The following PCDHGA1 variants were observed in gnomAD, a reference collection of about 807,000 sequenced individuals.
The protein encoded by PCDHGA1 is protocadherin gamma subfamily A, 1, also known as protocadherin gamma-A1.
PCDHGA1 carries 32 observed loss-of-function variants against 58.0 expected under a neutral mutation model. The observed-to-expected ratio is 0.55, with a 90% CI of 0.42 to 0.74. PCDHGA1 has a LOEUF of 0.74. Among genes scored for constraint, PCDHGA1 ranks in the 30% least tolerant of loss-of-function variants. The probability of loss-of-function intolerance (pLI) is 0.00; values close to 1 mark genes in which losing one functional copy is unlikely to be tolerated. For missense variants in PCDHGA1, 1,205 were observed against 1,182.3 expected (o/e 1.02, Z -0.28); for synonymous variants, 498 against 501.1 (o/e 0.99, Z 0.08).
intron 1 of PCDHGA1, chr5:141,356,922 T>A: frequency 6.2e-7 from 1 of 1,613,632 alleles, no homozygotes; most frequent in Non-Finnish European, 8.5e-7. Flanking sequence ...GCTCCACTGG[T>A]GTGGAGCTGG....
intron 1 of PCDHGA1, chr5:141,370,472 C>G: frequency 1.2e-6 from 2 of 1,613,450 alleles, no homozygotes; most frequent in Non-Finnish European, 1.7e-6. Context: ...CTTTGTTAGA[C>G]CAGGCTCTCT....
At chr5:141,413,468 A>C in intron 1 of PCDHGA1, 1 of 1,614,072 alleles carries the variant, frequency 6.2e-7, no homozygotes, top group South Asian at 1.1e-5. Context: ...GACCGGGAGG[A>C]GCTCTGCGCT....
At chr5:141,357,195 C>T (rs1173372626) in intron 1 of PCDHGA1, 6 of 1,613,770 alleles carry the variant, frequency 3.7e-6, no homozygotes, top group South Asian at 2.2e-5. Context: ...TGGCTGTGGC[C>T]GACAGCATCC....
intron 1 of PCDHGA1, chr5:141,478,025 A>G (rs939969624): frequency 1.9e-6 from 3 of 1,614,146 alleles, no homozygotes; most frequent in Non-Finnish European, 2.5e-6. Flanking sequence ...AGTCCAAGAC[A>G]CAGATTCACC....
Position 141,476,854 on chromosome 5 carries a change from G to A in PCDHGA1, c.2422-17953G>A. The A allele has an allele frequency of 6.2e-7, 1 of 1,613,860 alleles. No individual in the cohort carries two copies. The highest frequency in any genetic ancestry group is 1.1e-5 in the South Asian group (1 of 91,088). ...ATGACAATGCGCCTGTCTTCAACCA[G>A]TCCTTGTACCGGGCGCGCGTCCTGG... On this transcript the variant is annotated intron_variant, in intron 1 of 3. Transcript: ENST00000517417. This position sits in a 1 kb window ranked among gnomAD's most constrained non-coding sequence, Gnocchi z 7.6.
rs889876570 is a variant in PCDHGA1, at chr5:141,330,995, T to A, written c.311T>A (p.Val104Glu). 2.5e-6 allele frequency: 4 copies of A among 1,614,206 alleles called. No homozygotes were observed. The highest frequency in any genetic ancestry group is 3.4e-6 in the Non-Finnish European group (4 of 1,180,036). ...ELCAQSMPCL[V>E]SFNILVEDKM... The stretch of plus-strand genomic sequence containing the variant: ...TGCGCTCAGAGCATGCCGTGTCTCG[T>A]GAGTTTTAATATCCTTGTTGAGGAT... The change falls in exon 1 of 4, where the codon GTG (valine) becomes GAG (glutamate). Residue 104 changes from valine to glutamate, a missense_variant. Physicochemically the swap from Val to Glu is moderately radical, Grantham distance 121. Coordinates refer to ENST00000517417, the MANE Select transcript of PCDHGA1 (RefSeq NM_018912.3).
chr5:141,381,133 C>A (rs1285338974), intron 1 of PCDHGA1, among the ~76,000 whole-genome samples: 2 of 152,202 alleles, frequency 1.3e-5, no homozygotes, highest in East Asian at 1.9e-4. Context: ...TGGAGCAATG[C>A]CACCAGAAAG....
intron 1 of PCDHGA1, chr5:141,361,613 C>T: frequency 6.2e-7 from 1 of 1,613,960 alleles, no homozygotes; most frequent in Non-Finnish European, 8.5e-7. Context: ...TCCATCGTAG[C>T]GAGCGACCTG....
rs372698086 is a variant in PCDHGA1 at position 141,332,266 on chromosome 5, A to G, written c.1582A>G (p.Met528Val). The change falls in exon 1 of 4, where the codon ATG becomes GTG. Residue 528 changes from methionine (M) to valine (V), a missense_variant. By Grantham distance (21) the Met-to-Val change is conservative (BLOSUM62 1). Transcript: ENST00000517417. The surrounding 1 kb of genome is among the most constrained non-coding windows in gnomAD (Gnocchi z 4.6). ...RSFDYEQFRD[M>V]QLKVMARDSG... ...CTTCGACTATGAGCAGTTCCGGGAC[A>G]TGCAACTGAAAGTGATGGCGCGGGA... is the stretch of plus-strand genomic sequence containing the variant. 6.8e-6 allele frequency: 11 copies of G among 1,614,108 alleles called. No individual in the cohort carries two copies. The highest frequency in any genetic ancestry group is 1.7e-5 in the Admixed American group (1 of 60,008).
In PCDHGA1 at chr5:141,331,733, C is replaced by T. The variant is rs371917191; in HGVS notation, c.1049C>T (p.Thr350Ile). 37 of 1,613,998 alleles carry T rather than the reference C, an allele frequency of 2.3e-5. No homozygotes were observed. The highest frequency in any genetic ancestry group is 3.1e-5 in the Non-Finnish European group (36 of 1,180,036). The change falls in exon 1 of 4, where the codon ACC becomes ATC. Residue 350 changes from threonine (T) to isoleucine (I), a missense_variant. Thr to Ile is a moderately conservative substitution (Grantham distance 89). Transcript: ENST00000517417. The part of the protein sequence containing the change: ...VNDNAPEVTI[T>I]SVTTAVPENF... ...GATAATGCCCCAGAAGTGACCATCA[C>T]CTCTGTCACCACTGCAGTTCCAGAA...
rs2095058812 is a variant in PCDHGA1 at position 141,408,208 on chromosome 5, A to T, written c.2421+75103A>T. ...AGCGAGAACCCGAGCGAACGATGGGAGGGAGCTGCGCGCAGAGGCGCCGGG... is the reference window on the plus strand; with the variant it reads ...AGCGAGAACCCGAGCGAACGATGGGTGGGAGCTGCGCGCAGAGGCGCCGGG... On this transcript the variant is annotated intron_variant, in intron 1 of 3. Transcript: ENST00000517417. The T allele has an allele frequency of 1.9e-6, 3 of 1,553,236 alleles. No homozygotes were observed. The East Asian group carries it at 7.3e-5, about 38-fold the overall frequency.
chr5:141,364,231 C>T, intron 1 of PCDHGA1: 1 of 1,392,326 alleles, frequency 7.2e-7, no homozygotes, highest in Non-Finnish European at 9.6e-7. Flanking sequence ...CAACGCTCCA[C>T]GCCCATTTTC....
In PCDHGA1 at chr5:141,372,747, G is replaced by A; in HGVS notation, c.2421+39642G>A. ...ACCACAAGATCTTCTATGTGATGAA[G>A]CCTCTTGGTTTGAAAGTAATGACAA... On this transcript the variant is annotated intron_variant, in intron 1 of 3. Transcript: ENST00000517417. The A allele has an allele frequency of 2.5e-6, 4 of 1,613,418 alleles. 1 individual carries two copies. Among genetic ancestry groups the A allele is most frequent in the East Asian group, 4.5e-5 (2 of 44,880 alleles).
intron 1 of PCDHGA1, among the ~76,000 whole-genome samples, chr5:141,456,955 T>A (rs1352654794): frequency 2.6e-5 from 4 of 151,974 alleles, no homozygotes; most frequent in African/African-American, 7.3e-5. Flanking sequence ...AGAGCAAAAC[T>A]CCATCTCAAA....
At chr5:141,496,617 A>G (rs2099769939) in intron 2 of PCDHGA1, among the ~76,000 whole-genome samples, 2 of 152,236 alleles carry the variant, frequency 1.3e-5, no homozygotes, top group Admixed American at 1.3e-4. Flanking sequence ...AAAAAGCAGC[A>G]GATCAAAAGG....
intron 1 of PCDHGA1, chr5:141,371,436 A>C: frequency 6.2e-7 from 1 of 1,613,990 alleles, no homozygotes; most frequent in Non-Finnish European, 8.5e-7. Flanking sequence ...CCCGGAGATA[A>C]CCCTGGCTTC....
At chr5:141,448,663 G>A (rs1195703194) in intron 1 of PCDHGA1, among the ~76,000 whole-genome samples, 3 of 151,920 alleles carry the variant, frequency 2.0e-5, no homozygotes, top group African/African-American at 7.3e-5. Flanking sequence ...CATATTGGCC[G>A]GGCGCGGTGG....
chr5:141,371,485 C>T, intron 1 of PCDHGA1: 1 of 1,613,980 alleles, frequency 6.2e-7, no homozygotes, highest in South Asian at 1.1e-5. Context: ...GAGCTGGGGA[C>T]TGCCGTTGCC....
intron 1 of PCDHGA1, chr5:141,395,122 T>C (rs72790033): frequency 0.028 from 44,899 of 1,614,158 alleles, 731 homozygotes; most frequent in Non-Finnish European, 0.032. Flanking sequence ...CACCTGATCT[T>C]TCCCCAGCCC....
Sources: allele counts gnomAD v4.1 joint callset (sites outside exome capture counted in the v4.1 genomes callset), GRCh38; gene constraint gnomAD v4.1.1; non-coding constraint Gnocchi (gnomAD v3.1); transcripts MANE v1.5; gene names NCBI Gene and HGNC (gene_info 2026-07-23, HGNC 2026-07-21).